Variants in SH3BP5 observed in about 807,000 individuals in gnomAD.
SH3BP5 encodes SH3 domain binding protein 5.
In SH3BP5, 22 loss-of-function variants were observed where a neutral mutation model predicts 43.3. The observed-to-expected ratio is 0.51, with a 90% CI of 0.36 to 0.73. The LOEUF (loss-of-function observed/expected upper bound fraction) is 0.73. Among genes scored for constraint, SH3BP5 ranks in the 30% least tolerant of loss-of-function variants. SH3BP5 has a pLI of 0.00. For missense variants in SH3BP5, 529 were observed against 586.9 expected, an observed-to-expected ratio of 0.90 and a Z score of 1.02; for synonymous variants, 255 against 225.8, an observed-to-expected ratio of 1.13 and a Z score of -1.16.
At chr3:15,305,418 G>A (rs79858474) in intron 2 of SH3BP5, among the ~76,000 whole-genome samples, 6,132 of 152,292 alleles carry the variant, frequency 0.04, 157 homozygotes, top group South Asian at 0.085. Flanking sequence ...GGCCTTGGGC[G>A]TGGCCCTGTC....
chr3:15,307,370 A>C (rs1006020308), intron 2 of SH3BP5, among the ~76,000 whole-genome samples: 1 of 152,206 alleles, frequency 6.6e-6, no homozygotes, highest in African/African-American at 2.4e-5. Flanking sequence ...CTTGGCTTCC[A>C]ATAAGAGGGA....
chr3:15,317,514 T>C (rs889072703), intron 2 of SH3BP5, among the ~76,000 whole-genome samples: 17 of 152,310 alleles, frequency 1.1e-4, no homozygotes, highest in African/African-American at 3.6e-4. Context: ...CATCATTTCA[T>C]TGGAATAGAA....
intron 1 of SH3BP5, among the ~76,000 whole-genome samples, chr3:15,340,976 C>T (rs371118401): frequency 1.3e-5 from 2 of 152,112 alleles, no homozygotes; most frequent in African/African-American, 4.8e-5. Flanking sequence ...CACTGGAACC[C>T]GGGAGGCGGA....
At chr3:15,325,478 A>G (rs549388345) in intron 2 of SH3BP5, among the ~76,000 whole-genome samples, 9 of 152,320 alleles carry the variant, frequency 5.9e-5, no homozygotes, top group Non-Finnish European at 7.4e-5. Flanking sequence ...CTCTCCAGAC[A>G]ATACTGCATT....
chr3:15,276,138 T>C (rs1286140835), intron 3 of SH3BP5: 2 of 150,916 alleles, frequency 1.3e-5, no homozygotes, highest in African/African-American at 4.9e-5. Flanking sequence ...CGAAGGGTCA[T>C]CGGCAAAGGA....
chr3:15,318,812 T>C (rs1048568535), intron 2 of SH3BP5, among the ~76,000 whole-genome samples: 5 of 152,234 alleles, frequency 3.3e-5, no homozygotes, highest in Admixed American at 6.5e-5. Context: ...CCTCAAGCCA[T>C]CTGCTGGCCT....
intron 3 of SH3BP5, chr3:15,273,035 C>T: frequency 1.4e-6 from 1 of 698,436 alleles, no homozygotes; most frequent in Non-Finnish European, 1.8e-6. Context: ...GCAGGCCAAG[C>T]TGCTGGGAAC....
intron 3 of SH3BP5, among the ~76,000 whole-genome samples, chr3:15,294,077 CAAA>C (rs111324706): frequency 2.8e-5 from 2 of 70,936 alleles, no homozygotes; most frequent in African/African-American, 8.3e-5. Context: ...GTCTCCATCT[CAAA>C]AAAAAAAAAA....
intron 3 of SH3BP5, among the ~76,000 whole-genome samples, chr3:15,300,078 T>C (rs970055320): frequency 1.3e-5 from 2 of 152,106 alleles, no homozygotes; most frequent in Non-Finnish European, 2.9e-5. Flanking sequence ...ATAATAATAA[T>C]GTAACCATCA....
chr3:15,285,974 A>C lies in SH3BP5; in HGVS notation c.331-16097T>G, dbSNP rs144076251. ...AAGGAATTCAAGGTCAGAGGGACAC[A>C]GATGAAAATGAGGGCCTAATATAAA... On this transcript the variant is annotated intron_variant, in intron 3 of 8. Transcript: ENST00000383791. Among the ~76,000 whole-genome samples, 258 of 152,392 alleles carry C rather than the reference A, an allele frequency of 1.7e-3. 2 individuals carry two copies. Among genetic ancestry groups the C allele is most frequent in the African/African-American group, 5.8e-3 (241 of 41,598 alleles).
chr3:15,298,962 G>A (rs1342905630), intron 3 of SH3BP5, among the ~76,000 whole-genome samples: 1 of 150,596 alleles, frequency 6.6e-6, no homozygotes, highest in Non-Finnish European at 1.5e-5. Flanking sequence ...AAATGGGGGA[G>A]AGGCAAAAAA....
At position 15,254,992 on chromosome 3, in the gene SH3BP5, A is replaced by C. The variant is rs1696141284; in HGVS notation, c.*1094T>G. The C allele has an allele frequency of 6.6e-6, 1 of 152,448 alleles. No individual in the cohort carries two copies. The highest frequency in any genetic ancestry group is 1.5e-5 in the Non-Finnish European group (1 of 68,050). The allele number at this position is 152,448 out of a possible 1,614,324, so 9.4% of individuals were successfully genotyped here. A position where few individuals can be genotyped will look rare whatever the true frequency, so the allele number is the denominator to read the frequency against. On this transcript the variant is annotated 3_prime_UTR_variant, in exon 9 of 9. Coordinates refer to ENST00000383791, the MANE Select transcript of SH3BP5 (RefSeq NM_004844.5). ...AAATGACTAAAATATACAGGCTGTG[A>C]CAGAATTAACAGTTTGAAAGAGGGT... is the stretch of plus-strand genomic sequence containing the variant.
chr3:15,318,360 C>T (rs1298738327), intron 2 of SH3BP5, among the ~76,000 whole-genome samples: 1 of 152,024 alleles, frequency 6.6e-6, no homozygotes, highest in Admixed American at 6.6e-5. Flanking sequence ...ACAGGTATTG[C>T]CCTTCACATT....
intron 2 of SH3BP5, among the ~76,000 whole-genome samples, chr3:15,310,874 G>C (rs778584790): frequency 8.2e-4 from 125 of 152,280 alleles, no homozygotes; most frequent in Non-Finnish European, 1.4e-3. Flanking sequence ...AAACAGCCTT[G>C]TGTCAGATAA....
chr3:15,337,398 A>G (rs557684623), upstream of SH3BP5, among the ~76,000 whole-genome samples: 105 of 152,222 alleles, frequency 6.9e-4, no homozygotes, highest in Non-Finnish European at 1.3e-3. Flanking sequence ...TAATGTTTTT[A>G]AACTGAAGTT....
chr3:15,301,940 TCA>T (rs989145872), intron 3 of SH3BP5, among the ~76,000 whole-genome samples: 153 of 152,130 alleles, frequency 1.0e-3, no homozygotes, highest in African/African-American at 3.5e-3. Flanking sequence ...CATCCTTCAA[TCA>T]CTCTGCAGCA....
In SH3BP5 at chr3:15,278,752, T is replaced by C. The variant is rs139059039; in HGVS notation, c.331-8875A>G. 8.0e-3 allele frequency among the ~76,000 whole-genome samples: 1,226 copies of C among 152,336 alleles called. 56 individuals carry two copies. Among genetic ancestry groups the C allele is most frequent in the Admixed American group, 0.073 (1,109 of 15,294 alleles). On this transcript the variant is annotated intron_variant, in intron 3 of 8. Transcript: ENST00000383791. ...ATTATTCTCCTGAGGATTGATTCCT[T>C]TCTATTTCAAATAGATTTGATTGAA... is the stretch of plus-strand genomic sequence containing the variant.
intron 2 of SH3BP5, among the ~76,000 whole-genome samples, chr3:15,304,984 G>T (rs1468792776): frequency 6.6e-6 from 1 of 151,390 alleles, no homozygotes; most frequent in Non-Finnish European, 1.5e-5. Context: ...CGGGCATAGT[G>T]GGGGACACCT....
chr3:15,262,352 T>G (rs1044368966), intron 4 of SH3BP5, 63 bp from the exon 5 acceptor site: 4 of 1,544,570 alleles, frequency 2.6e-6, no homozygotes, highest in Non-Finnish European at 3.5e-6. Context: ...GGAATATTAC[T>G]TATATTATTT....
Sources: allele counts gnomAD v4.1 joint callset (sites outside exome capture counted in the v4.1 genomes callset), GRCh38; gene constraint gnomAD v4.1.1; transcripts MANE v1.5; gene names NCBI Gene and HGNC (gene_info 2026-07-23, HGNC 2026-07-21).